Variants in SORBS2 observed in about 807,000 individuals in gnomAD.
SORBS2 encodes the protein sorbin and SH3 domain-containing protein 2.
A neutral mutation model predicts 97.7 loss-of-function variants in SORBS2; 46 were observed. That is an observed-to-expected ratio of 0.47 (90% CI 0.37 to 0.60). The LOEUF is 0.60. Ranked by LOEUF, SORBS2 falls within the 20% of genes least tolerant of loss-of-function variation. The pLI is 0.00. For synonymous variants in SORBS2, 476 were observed against 473.4 expected (o/e 1.01, Z -0.07); for missense variants, 1,316 against 1,282.3 (o/e 1.03, Z -0.40).
chr4:185,654,195 A>G (rs1182463486), intron 1 of SORBS2, among the ~76,000 whole-genome samples: 1 of 152,204 alleles, frequency 6.6e-6, no homozygotes, highest in African/African-American at 2.4e-5. Flanking sequence ...TTGATTGACT[A>G]TTCAGTCAAA....
At chr4:185,893,117 A>G (rs1490498639) in intron 1 of SORBS2, among the ~76,000 whole-genome samples, 1 of 152,218 alleles carries the variant, frequency 6.6e-6, no homozygotes, top group Non-Finnish European at 1.5e-5. Context: ...AGAAGGAAGA[A>G]AGAGATAATC....
At chr4:185,590,207 G>C (rs1410122963) in intron 13 of SORBS2, among the ~76,000 whole-genome samples, 1 of 152,080 alleles carries the variant, frequency 6.6e-6, no homozygotes, top group Non-Finnish European at 1.5e-5. Flanking sequence ...AAACAAGAAG[G>C]AATCACAATT....
intron 1 of SORBS2, among the ~76,000 whole-genome samples, chr4:185,839,741 A>C (rs748224498): frequency 6.6e-6 from 1 of 152,254 alleles, no homozygotes; most frequent in Non-Finnish European, 1.5e-5. Context: ...AAATAAAGGC[A>C]GTTTGTACAA....
chr4:185,729,174 T>C (rs1408128165), intron 2 of SORBS2, among the ~76,000 whole-genome samples: 2 of 152,234 alleles, frequency 1.3e-5, no homozygotes. Flanking sequence ...CCCACTTTCC[T>C]TTATTTCCTT....
At chr4:185,636,561 G>A (rs1464336065) in intron 4 of SORBS2, among the ~76,000 whole-genome samples, 1 of 152,050 alleles carries the variant, frequency 6.6e-6, no homozygotes, top group East Asian at 1.9e-4. Context: ...GCATAAAAAC[G>A]TGTGTAACTG....
At chr4:185,751,163 T>A (rs569513003) in intron 2 of SORBS2, among the ~76,000 whole-genome samples, 2 of 19,370 alleles carry the variant, frequency 1.0e-4, no homozygotes, top group Non-Finnish European at 2.6e-4. Context: ...TGCTCTTAGC[T>A]CTAAATACTA....
At chr4:185,869,605 CA>C (rs2099229256) in intron 1 of SORBS2, among the ~76,000 whole-genome samples, 2 of 152,242 alleles carry the variant, frequency 1.3e-5, no homozygotes, top group African/African-American at 4.8e-5. Context: ...ACTCATTCAC[CA>C]AGCTGGCTGA....
chr4:185,692,498 C>T (rs1486257258), intron 2 of SORBS2, among the ~76,000 whole-genome samples: 1 of 152,176 alleles, frequency 6.6e-6, no homozygotes, highest in African/African-American at 2.4e-5. Flanking sequence ...CCCTCTTCTC[C>T]CTTCTGACCA....
chr4:185,764,613 A>G (rs1181366146), intron 2 of SORBS2, among the ~76,000 whole-genome samples: 10 of 152,198 alleles, frequency 6.6e-5, no homozygotes, highest in African/African-American at 2.2e-4. Context: ...GCTTTAAGTA[A>G]TGTATTTATG....
chr4:185,684,675 T>C lies in SORBS2; in HGVS notation c.-197-5853A>G. 1 of 1,069,094 alleles carries C rather than the reference T, an allele frequency of 9.4e-7. No homozygotes were observed. Among genetic ancestry groups the C allele is most frequent in the Non-Finnish European group, 1.4e-6 (1 of 729,970 alleles). The allele number at this position is 1,069,094 out of a possible 1,614,324, so 66.2% of individuals were successfully genotyped here. On this transcript the variant is annotated intron_variant, in intron 2 of 20. Coordinates refer to the SORBS2 transcript ENST00000284776. The surrounding 1 kb of genome is among the most constrained non-coding windows in gnomAD (Gnocchi z 4.2). ...CTACAAGATCTCATTTTCCTTTGCTTTTTACGTTTAGAACAAAAACAGTCA... is the reference window on the plus strand; with the variant it reads ...CTACAAGATCTCATTTTCCTTTGCTCTTTACGTTTAGAACAAAAACAGTCA...
At chr4:185,610,385 G>A (rs1428657878) in intron 12 of SORBS2, among the ~76,000 whole-genome samples, 1 of 151,084 alleles carries the variant, frequency 6.6e-6, no homozygotes. Flanking sequence ...AAATGCTAAG[G>A]TCTGGTAATG....
intron 1 of SORBS2, among the ~76,000 whole-genome samples, chr4:185,936,363 C>T (rs1275603556): frequency 6.6e-6 from 1 of 152,188 alleles, no homozygotes; most frequent in Non-Finnish European, 1.5e-5. Context: ...GCAGTATCCT[C>T]AGTTCCAAAA....
At chr4:185,681,372 T>C in intron 2 of SORBS2, among the ~76,000 whole-genome samples, 1 of 149,272 alleles carries the variant, frequency 6.7e-6, no homozygotes, top group Non-Finnish European at 1.5e-5. Context: ...GTATCATGGA[T>C]CCACATCAAG....
intron 4 of SORBS2, chr4:185,665,750 T>G (rs1582209745): frequency 2.0e-6 from 2 of 1,012,152 alleles, no homozygotes; most frequent in South Asian, 3.9e-5. Flanking sequence ...GCCGCAGGGG[T>G]GGTTAAGGTG....
chr4:185,822,341 T>C (rs2099197272), intron 1 of SORBS2, among the ~76,000 whole-genome samples: 1 of 152,200 alleles, frequency 6.6e-6, no homozygotes, highest in Admixed American at 6.5e-5. Flanking sequence ...TATTCCTTGT[T>C]GGTAACCAAA....
At chr4:185,920,657 A>C (rs1321388051) in intron 1 of SORBS2, among the ~76,000 whole-genome samples, 1 of 152,212 alleles carries the variant, frequency 6.6e-6, no homozygotes, top group Non-Finnish European at 1.5e-5. Flanking sequence ...AAAATTTGGC[A>C]ACTCTAAAAA....
At chr4:185,870,448 C>T (rs2099229769) in intron 1 of SORBS2, among the ~76,000 whole-genome samples, 1 of 152,228 alleles carries the variant, frequency 6.6e-6, no homozygotes, top group Admixed American at 6.5e-5. Context: ...TTGGCAGTCA[C>T]AGCCACGTTT....
chr4:185,644,471 T>G (rs1399009376), intron 4 of SORBS2, among the ~76,000 whole-genome samples: 1 of 152,216 alleles, frequency 6.6e-6, no homozygotes, highest in East Asian at 1.9e-4. Context: ...ATCAAATAAC[T>G]GCTACTTCAA....
chr4:185,597,384 A>G (rs2096130223), intron 12 of SORBS2, among the ~76,000 whole-genome samples: 1 of 152,130 alleles, frequency 6.6e-6, no homozygotes, highest in Non-Finnish European at 1.5e-5. Context: ...GAGCTGGGAC[A>G]CTGACATTGA....
Sources: allele counts gnomAD v4.1 joint callset (sites outside exome capture counted in the v4.1 genomes callset), GRCh38; gene constraint gnomAD v4.1.1; non-coding constraint Gnocchi (gnomAD v3.1); transcripts MANE v1.5; gene names NCBI Gene and HGNC (gene_info 2026-07-23, HGNC 2026-07-21).